PTPRN2: variants seen among roughly 807,000 people sequenced by gnomAD.
The protein encoded by PTPRN2 is receptor-type tyrosine-protein phosphatase N2.
PTPRN2 carries 74 observed loss-of-function variants against 118.8 expected under a neutral mutation model. The ratio of observed to expected loss-of-function variants is 0.62; its 90% CI spans 0.52 to 0.76. PTPRN2 has a LOEUF of 0.76. Among genes scored for constraint, PTPRN2 ranks in the 30% least tolerant of loss-of-function variants. PTPRN2 has a pLI of 0.00. For missense variants in PTPRN2, 1,481 were observed against 1,394.4 expected, an observed-to-expected ratio of 1.06 and a Z score of -0.99; for synonymous variants, 641 against 608.0, an observed-to-expected ratio of 1.05 and a Z score of -0.80.
intron 11 of PTPRN2, among the ~76,000 whole-genome samples, chr7:158,062,586 AG>A (rs150444477): frequency 0.062 from 9,384 of 152,068 alleles, 350 homozygotes; most frequent in Non-Finnish European, 0.088. Flanking sequence ...AGGCACAGGC[AG>A]GAACTGGGGC....
chr7:158,074,594 C>A (rs1383092763), intron 11 of PTPRN2, among the ~76,000 whole-genome samples: 3 of 152,186 alleles, frequency 2.0e-5, no homozygotes, highest in Admixed American at 6.5e-5. Context: ...TGACAGTCAG[C>A]CCCTCGCAGT....
At position 158,284,296 on chromosome 7, in the gene PTPRN2, G is replaced by A. The variant is rs533577392; in HGVS notation, c.277+32523C>T. Among the ~76,000 whole-genome samples, 4 of 152,106 alleles carry A rather than the reference G, an allele frequency of 2.6e-5. No individual in the cohort carries two copies. The East Asian group carries it at 7.8e-4, about 29-fold the overall frequency. ...TGCCAGGAACTCTCCGAGTCAGCCA[G>A]GCACTGGGCACTGTTGTGGGCTGGG... is the stretch of plus-strand genomic sequence containing the variant. On this transcript the variant is annotated intron_variant, in intron 3 of 22. Transcript: ENST00000389418.
intron 11 of PTPRN2, among the ~76,000 whole-genome samples, chr7:157,960,459 G>A (rs2128808827): frequency 1.3e-5 from 2 of 152,286 alleles, no homozygotes; most frequent in South Asian, 4.1e-4. Context: ...GGTGGCACAT[G>A]TCAAGAACAG....
intron 2 of PTPRN2, among the ~76,000 whole-genome samples, chr7:158,422,935 C>T (rs1815382945): frequency 6.6e-6 from 1 of 152,264 alleles, no homozygotes; most frequent in Admixed American, 6.5e-5. Context: ...AGCCACTGCA[C>T]ACTCCTGCTG....
chr7:157,860,727 G>A (rs1336197996), intron 12 of PTPRN2, among the ~76,000 whole-genome samples: 1 of 152,234 alleles, frequency 6.6e-6, no homozygotes, highest in African/African-American at 2.4e-5. Flanking sequence ...ATTACTCTGT[G>A]GGTAGAGAGC....
intron 3 of PTPRN2, among the ~76,000 whole-genome samples, chr7:158,312,948 G>A (rs544781672): frequency 2.0e-5 from 3 of 151,790 alleles, no homozygotes; most frequent in Admixed American, 6.6e-5. Flanking sequence ...GAGTGTGCAG[G>A]GGTGTGTGCG....
intron 1 of PTPRN2, among the ~76,000 whole-genome samples, chr7:158,542,134 C>CT (rs1826023196): frequency 6.6e-6 from 1 of 152,274 alleles, no homozygotes; most frequent in African/African-American, 2.4e-5. Flanking sequence ...CCAGCCCCTT[C>CT]TTTTTTTGTT....
intron 15 of PTPRN2, among the ~76,000 whole-genome samples, chr7:157,607,299 T>G (rs2150589219): frequency 6.6e-6 from 1 of 152,354 alleles, no homozygotes; most frequent in Middle Eastern, 3.4e-3. Context: ...GAGATGAGGC[T>G]GTGGTCAGAG....
intron 9 of PTPRN2, among the ~76,000 whole-genome samples, chr7:158,132,007 CATAG>C (rs1471967661): frequency 2.1e-5 from 2 of 94,850 alleles, no homozygotes; most frequent in African/African-American, 1.1e-4. Context: ...TGTAAATATG[CATAG>C]ATACACATCT....
intron 10 of PTPRN2, among the ~76,000 whole-genome samples, chr7:158,107,486 C>G (rs1433311871): frequency 6.6e-6 from 1 of 152,036 alleles, no homozygotes; most frequent in Admixed American, 6.5e-5. Context: ...CCCAGATGCC[C>G]AAACATCCCA....
intron 17 of PTPRN2, among the ~76,000 whole-genome samples, chr7:157,589,860 G>A (rs1017986090): frequency 6.6e-6 from 1 of 152,236 alleles, no homozygotes; most frequent in Non-Finnish European, 1.5e-5. Context: ...TCCTTGTGAC[G>A]TCTGGGCTGA....
intron 17 of PTPRN2, among the ~76,000 whole-genome samples, chr7:157,580,846 GAGCCCCTGCACACCCC>G (rs1453235378): frequency 1.7e-4 from 1 of 5,852 alleles, no homozygotes; most frequent in Non-Finnish European, 3.3e-4. Flanking sequence ...CTGCACACCC[GAGCCCCTGCACACCCC>G]AGCCCCTGCA....
intron 12 of PTPRN2, among the ~76,000 whole-genome samples, chr7:157,792,901 C>T (rs564263346): frequency 2.6e-5 from 4 of 152,282 alleles, no homozygotes; most frequent in South Asian, 2.1e-4. Flanking sequence ...CATGACCGGG[C>T]GGATCAATCT....
chr7:158,044,770 T>C (rs1257702395), intron 11 of PTPRN2, among the ~76,000 whole-genome samples: 1 of 152,190 alleles, frequency 6.6e-6, no homozygotes, highest in Non-Finnish European at 1.5e-5. Context: ...CTCTGCTACT[T>C]GGAAAAGAGA....
chr7:158,140,871 T>A (rs1375417102), intron 6 of PTPRN2, among the ~76,000 whole-genome samples: 1 of 152,170 alleles, frequency 6.6e-6, no homozygotes, highest in Non-Finnish European at 1.5e-5. Flanking sequence ...TTTCCGAGCT[T>A]TGAAGGAAAA....
At chr7:158,032,083 C>T (rs1003099836) in intron 11 of PTPRN2, among the ~76,000 whole-genome samples, 1 of 152,222 alleles carries the variant, frequency 6.6e-6, no homozygotes, top group South Asian at 2.1e-4. Flanking sequence ...GCTCAGGCCC[C>T]GGCATTCCAG....
intron 13 of PTPRN2, among the ~76,000 whole-genome samples, chr7:157,670,808 T>A (rs1468373960): frequency 6.6e-6 from 1 of 152,248 alleles, no homozygotes; most frequent in Non-Finnish European, 1.5e-5. Flanking sequence ...ACCTTGCTTT[T>A]CAGTTTCATA....
chr7:158,451,932 T>G (rs1174674106), intron 2 of PTPRN2, among the ~76,000 whole-genome samples: 2 of 152,196 alleles, frequency 1.3e-5, no homozygotes, highest in Middle Eastern at 6.3e-3. Flanking sequence ...GCCATCTGGA[T>G]TTTATTTTGG....
At chr7:158,326,683 G>T (rs12698210) in intron 2 of PTPRN2, among the ~76,000 whole-genome samples, 140,536 of 146,092 alleles carry the variant, frequency 0.96, 67,607 homozygotes, top group African/African-American at 0.99. Flanking sequence ...CACATGCACA[G>T]TCTCACACAT....
Sources: allele counts gnomAD v4.1 joint callset (sites outside exome capture counted in the v4.1 genomes callset), GRCh38; gene constraint gnomAD v4.1.1; transcripts MANE v1.5; gene names NCBI Gene and HGNC (gene_info 2026-07-23, HGNC 2026-07-21).